NOS1AP: variants seen among roughly 807,000 people sequenced by gnomAD.
The protein encoded by NOS1AP is carboxyl-terminal PDZ ligand of neuronal nitric oxide synthase protein.
A neutral mutation model predicts 56.2 loss-of-function variants in NOS1AP; 21 were observed. The ratio of observed to expected loss-of-function variants is 0.37; its 90% CI spans 0.26 to 0.54. The LOEUF (loss-of-function observed/expected upper bound fraction) is 0.54. Among genes scored for constraint, NOS1AP ranks in the 20% least tolerant of loss-of-function variants. NOS1AP has a pLI of 0.84. For synonymous variants in NOS1AP, 270 were observed against 274.6 expected (o/e 0.98, Z 0.17); for missense variants, 522 against 657.8 (o/e 0.79, Z 2.26).
intron 5 of NOS1AP, among the ~76,000 whole-genome samples, chr1:162,334,113 C>T (rs1656862482): frequency 1.3e-5 from 2 of 152,154 alleles, no homozygotes; most frequent in South Asian, 4.1e-4. Context: ...TTGTCAAGTA[C>T]CTTGTCAATA....
Position 162,343,829 on chromosome 1 carries a change from T to A in NOS1AP, c.454-6T>A, listed in dbSNP as rs1335793126. ...CCATCCTGTTCTTCTCCTTTCTCCT[T>A]CCCAGAGCCAAGCTATGAGAATCGT... On this transcript the variant is annotated splice_region_variant and splice_polypyrimidine_tract_variant and intron_variant, in intron 5 of 9. Transcript: ENST00000361897. The A allele has an allele frequency of 1.2e-6, 2 of 1,614,130 alleles. No individual in the cohort carries two copies. The highest frequency in any genetic ancestry group is 3.3e-5 in the Admixed American group (2 of 60,020).
rs1461157028 is a variant in NOS1AP at position 162,243,860 on chromosome 1, C to A, written c.178-43484C>A. Among the ~76,000 whole-genome samples the A allele has an allele frequency of 3.9e-5, 6 of 152,172 alleles. No homozygotes were observed. In the East Asian group the frequency reaches 5.8e-4, roughly 15 times the overall value. On this transcript the variant is annotated intron_variant, in intron 2 of 9. Coordinates refer to ENST00000361897, the MANE Select transcript of NOS1AP (RefSeq NM_014697.3). ...AGCTGTTGTAAGAATTGTTGGAGGA[C>A]CGTCTTCCCCTCAAAGGGGGTGTGA...
At chr1:162,151,580 TATAG>T (rs1183147244) in intron 1 of NOS1AP, among the ~76,000 whole-genome samples, 1 of 152,180 alleles carries the variant, frequency 6.6e-6, no homozygotes, top group Non-Finnish European at 1.5e-5. Context: ...ATAGGGATTG[TATAG>T]TACAGACACT....
At chr1:162,226,635 T>C (rs1368293549) in intron 2 of NOS1AP, among the ~76,000 whole-genome samples, 1 of 152,230 alleles carries the variant, frequency 6.6e-6, no homozygotes, top group Non-Finnish European at 1.5e-5. Flanking sequence ...TTTCTGTGGA[T>C]GTTCTATTGA....
At chr1:162,275,300 C>A (rs901691088) in intron 2 of NOS1AP, among the ~76,000 whole-genome samples, 1 of 152,128 alleles carries the variant, frequency 6.6e-6, no homozygotes, top group Non-Finnish European at 1.5e-5. Context: ...GCCTCAGCCT[C>A]CTGAGTAGCT....
chr1:162,260,170 G>A (rs1654162544), intron 2 of NOS1AP, among the ~76,000 whole-genome samples: 1 of 152,248 alleles, frequency 6.6e-6, no homozygotes, highest in East Asian at 1.9e-4. Flanking sequence ...TCAGAAACTT[G>A]AAATATATAC....
chr1:162,070,962 G>T (rs1691647787), intron 1 of NOS1AP, among the ~76,000 whole-genome samples: 1 of 152,096 alleles, frequency 6.6e-6, no homozygotes, highest in African/African-American at 2.4e-5. Context: ...CAGCGCTGAG[G>T]TCGGAGCCCC....
chr1:162,149,518 G>T (rs1649621681), intron 1 of NOS1AP, among the ~76,000 whole-genome samples: 1 of 152,228 alleles, frequency 6.6e-6, no homozygotes, highest in African/African-American at 2.4e-5. Flanking sequence ...AGTTATCAAG[G>T]TACTCTTTGT....
At chr1:162,187,371 T>C (rs1048433408) in intron 2 of NOS1AP, among the ~76,000 whole-genome samples, 2 of 152,202 alleles carry the variant, frequency 1.3e-5, no homozygotes, top group African/African-American at 4.8e-5. Context: ...TGGCTGAGTA[T>C]AGTTACATTC....
rs1185479089 is a variant in NOS1AP, at chr1:162,171,225, T to C, written c.177+16749T>C. Among the ~76,000 whole-genome samples, 3 of 152,188 alleles carry C rather than the reference T, an allele frequency of 2.0e-5. No individual in the cohort carries two copies. In the East Asian group the frequency reaches 5.8e-4, roughly 29 times the overall value. On this transcript the variant is annotated intron_variant, in intron 2 of 9. Transcript: ENST00000361897. ...GAGATCAAGATCCTCATGCTCCTTT[T>C]CTGGGAAGGAACCTGAGGCATGAAA...
At chr1:162,311,743 C>T (rs1157270199) in intron 4 of NOS1AP, among the ~76,000 whole-genome samples, 2 of 144,272 alleles carry the variant, frequency 1.4e-5, no homozygotes, top group African/African-American at 2.6e-5. Flanking sequence ...TCCCCCCACC[C>T]CACAACAGTC....
At chr1:162,200,587 G>A (rs1651961950) in intron 2 of NOS1AP, among the ~76,000 whole-genome samples, 1 of 152,180 alleles carries the variant, frequency 6.6e-6, no homozygotes, top group Admixed American at 6.5e-5. Flanking sequence ...AGTCTCCCTG[G>A]CATCCTTCTC....
intron 2 of NOS1AP, among the ~76,000 whole-genome samples, chr1:162,184,061 A>T (rs1591615): frequency 0.5 from 76,113 of 152,002 alleles, 20,395 homozygotes; most frequent in East Asian, 0.76. Flanking sequence ...GAGAGAGGTA[A>T]GACTCTCCCT....
chr1:162,365,357 T>C (rs1330540781), intron 8 of NOS1AP, 47 bp from the exon 9 acceptor site: 1 of 1,613,028 alleles, frequency 6.2e-7, no homozygotes, highest in African/African-American at 1.3e-5. Context: ...TTCATGTCCC[T>C]CTCTTCTCTC....
intron 2 of NOS1AP, among the ~76,000 whole-genome samples, chr1:162,162,488 A>G (rs1175303768): frequency 6.6e-6 from 1 of 152,030 alleles, no homozygotes; most frequent in Non-Finnish European, 1.5e-5. Flanking sequence ...GTCTTTTCTG[A>G]TTTGTTGGGA....
At chr1:162,110,977 A>G (rs995197620) in intron 1 of NOS1AP, among the ~76,000 whole-genome samples, 1 of 152,158 alleles carries the variant, frequency 6.6e-6, no homozygotes, top group African/African-American at 2.4e-5. Context: ...TTGAGCATTT[A>G]CTCTATGCCA....
chr1:162,192,738 G>T (rs1387928610), intron 2 of NOS1AP, among the ~76,000 whole-genome samples: 1 of 152,160 alleles, frequency 6.6e-6, no homozygotes, highest in African/African-American at 2.4e-5. Flanking sequence ...TCTACCTGTA[G>T]TCAGGTTTAC....
chr1:162,156,179 A>G (rs1649966759), intron 2 of NOS1AP, among the ~76,000 whole-genome samples: 1 of 152,210 alleles, frequency 6.6e-6, no homozygotes, highest in African/African-American at 2.4e-5. Flanking sequence ...TATTAAATAC[A>G]ACAGTACTGT....
chr1:162,183,116 A>G, intron 2 of NOS1AP, among the ~76,000 whole-genome samples: 1 of 152,270 alleles, frequency 6.6e-6, no homozygotes, highest in East Asian at 1.9e-4. Flanking sequence ...CTGCTGATCC[A>G]TGGGCAGCAG....
Sources: allele counts gnomAD v4.1 joint callset (sites outside exome capture counted in the v4.1 genomes callset), GRCh38; gene constraint gnomAD v4.1.1; transcripts MANE v1.5; gene names NCBI Gene and HGNC (gene_info 2026-07-23, HGNC 2026-07-21).